Variants in ZMYM1 observed in about 807,000 individuals in gnomAD.
ZMYM1 encodes the protein zinc finger MYM-type containing 1.
ZMYM1 carries 39 observed loss-of-function variants against 60.0 expected under a neutral mutation model. The ratio of observed to expected loss-of-function variants is 0.65; its 90% confidence interval spans 0.50 to 0.85. The LOEUF (loss-of-function observed/expected upper bound fraction) is 0.85, where lower values mean the gene tolerates loss of function less well. ZMYM1 is among the 40% of genes least tolerant of loss of function. ZMYM1 has a pLI of 0.00. For synonymous variants in ZMYM1, 413 were observed against 454.0 expected (o/e 0.91, Z 1.15); for missense variants, 1,171 against 1,309.5 (o/e 0.89, Z 1.63).
In ZMYM1 at chr1:35,113,134, A is replaced by G. The variant is rs1337530305; in HGVS notation, c.1304A>G (p.Asp435Gly). 2 of 1,614,048 alleles carry G rather than the reference A, an allele frequency of 1.2e-6. No homozygotes were observed. Among genetic ancestry groups the G allele is most frequent in the East Asian group, 2.2e-5 (1 of 44,862 alleles). ...AATATGAAATCTATGAAAATAAGTG[A>G]TGAACTATGTCACCCAAAATGTACA... is the stretch of plus-strand genomic sequence containing the variant. ...KDNMKSMKIS[D>G]ELCHPKCTSK... The change falls in exon 10 of 10, where the codon GAT becomes GGT. Residue 435 changes from aspartate to glycine, a missense_variant. Transcript: ENST00000359858.
At position 35,073,334 on chromosome 1, in the gene ZMYM1, A is replaced by AAGGAAGGAAGGAAGG. The variant is rs1557626472; in HGVS notation, c.-300-5659_-300-5658insGGAAGGAAGGAAGGA. On this transcript the variant is annotated intron_variant, in intron 1 of 10. Transcript: ENST00000417119. Reference sequence around the variant, plus strand: ...GGAAGAAAAAAAGAAAGGGAGAAAGAAAGAAAGGAAGGAAGGAAGGAAGGA... The same window carrying AAGGAAGGAAGGAAGG: ...GGAAGAAAAAAAGAAAGGGAGAAAGAAGGAAGGAAGGAAGGAAGAAAGGAAGGAAGGAAGGAAGGA... 9.0e-5 allele frequency among the ~76,000 whole-genome samples: 4 copies of AAGGAAGGAAGGAAGG among 44,200 alleles called. No individual in the cohort carries two copies. The East Asian group carries it at 4.7e-3, about 52-fold the overall frequency. 29.0% of individuals were successfully genotyped at this position (44,200 alleles called of 152,430 possible). A position where few individuals can be genotyped will look rare whatever the true frequency, so the allele number is the denominator to read the frequency against.
rs1363405743 is a variant in ZMYM1 at position 35,113,227 on chromosome 1, G to GT, written c.1400dup (p.Leu467PhefsTer5). ...AAATCTTGTTGTGCAGATTTTGAGT[G>GT]TTTGGAAAACAGTAAAAAAGATGTG... is the stretch of plus-strand genomic sequence containing the variant. On this transcript the variant is annotated frameshift_variant, in exon 10 of 10. Transcript: ENST00000359858. LOFTEE classifies it low-confidence loss of function (END_TRUNC). 1 of 1,613,224 alleles carries GT rather than the reference G, an allele frequency of 6.2e-7. No individual in the cohort carries two copies. Among genetic ancestry groups the GT allele is most frequent in the African/African-American group, 1.3e-5 (1 of 74,940 alleles).
At chr1:35,103,851 A>G (rs1429986382) in intron 4 of ZMYM1, among the ~76,000 whole-genome samples, 2 of 152,236 alleles carry the variant, frequency 1.3e-5, no homozygotes, top group South Asian at 2.1e-4. Flanking sequence ...TATAGATTCT[A>G]GAGTTGCTCA....
chr1:35,087,426 A>G (rs935872083), intron 1 of ZMYM1, among the ~76,000 whole-genome samples: 6 of 70,600 alleles, frequency 8.5e-5, no homozygotes, highest in African/African-American at 3.2e-4. Context: ...TGAAACTTGC[A>G]TTTTCTTTTT....
Position 35,115,217 on chromosome 1 carries a change from T to C in ZMYM1, c.3387T>C (p.Asn1129=). Residue 1129 remains asparagine (N), a synonymous_variant, in exon 10 of 10, where the codon AAT becomes AAC. Transcript: ENST00000359858. ...AACTAATGGAGCCTGAAAGACTCAA[T>C]GAAATTGTGGAAAAGTTTATCAGTC... The part of the protein sequence containing the change: ...VNKLMEPERL[N]EIVEKFISQM... 6.2e-7 allele frequency: 1 copy of C among 1,600,350 alleles called. No individual in the cohort carries two copies. The highest frequency in any genetic ancestry group is 8.5e-7 in the Non-Finnish European group (1 of 1,176,386).
chr1:35,105,927 A>C (rs1355652713), intron 6 of ZMYM1, among the ~76,000 whole-genome samples: 1 of 152,110 alleles, frequency 6.6e-6, no homozygotes, highest in Non-Finnish European at 1.5e-5. Context: ...CCACGTGTTT[A>C]ACTCTTACAC....
intron 6 of ZMYM1, among the ~76,000 whole-genome samples, chr1:35,107,209 C>G (rs1193321024): frequency 6.7e-6 from 1 of 148,456 alleles, no homozygotes; most frequent in Non-Finnish European, 1.5e-5. Context: ...GCCTGTAATC[C>G]CAGCACTTTG....
downstream of ZMYM1, among the ~76,000 whole-genome samples, chr1:35,117,652 GA>G (rs961443450): frequency 1.5e-4 from 23 of 151,846 alleles, no homozygotes; most frequent in Admixed American, 4.6e-4. Flanking sequence ...TTAAAAAAGA[GA>G]AAACAGGCCT....
At chr1:35,082,476 G>A (rs1335106304) in intron 1 of ZMYM1, among the ~76,000 whole-genome samples, 1 of 151,450 alleles carries the variant, frequency 6.6e-6, no homozygotes, top group Non-Finnish European at 1.5e-5. Flanking sequence ...GATTACAGGC[G>A]TGCACCACCA....
At chr1:35,081,263 A>G (rs1007176136) in intron 1 of ZMYM1, among the ~76,000 whole-genome samples, 1 of 152,228 alleles carries the variant, frequency 6.6e-6, no homozygotes, top group African/African-American at 2.4e-5. Flanking sequence ...GAAGTGGTAT[A>G]ATGCGAAGAA....
At chr1:35,107,941 T>G (rs886623828) in intron 6 of ZMYM1, among the ~76,000 whole-genome samples, 1 of 151,926 alleles carries the variant, frequency 6.6e-6, no homozygotes, top group African/African-American at 2.4e-5. Flanking sequence ...AAACTCCATC[T>G]CTACTAAAAA....
intron 1 of ZMYM1, among the ~76,000 whole-genome samples, chr1:35,060,143 G>GTTATTATTATTATTATTACTA (rs1641844525): frequency 1.4e-5 from 2 of 144,100 alleles, no homozygotes; most frequent in Non-Finnish European, 3.0e-5. Context: ...ACTATTTGTT[G>GTTATTATTATTATTATTACTA]TTATTATTAT....
intron 3 of ZMYM1, 145 bp downstream of exon 3, chr1:35,096,036 C>G: frequency 1.6e-6 from 1 of 642,656 alleles, no homozygotes; most frequent in African/African-American, 1.8e-5. Context: ...AAAGAGAGGC[C>G]GTGCACAGTG....
chr1:35,078,818 G>A (rs1642225850), upstream of ZMYM1, among the ~76,000 whole-genome samples: 1 of 151,966 alleles, frequency 6.6e-6, no homozygotes, highest in Non-Finnish European at 1.5e-5. Flanking sequence ...CAAAGTGCTG[G>A]AATTATAGGT....
intron 1 of ZMYM1, among the ~76,000 whole-genome samples, chr1:35,066,439 C>G (rs1641973365): frequency 1.3e-5 from 2 of 152,184 alleles, no homozygotes; most frequent in South Asian, 4.1e-4. Context: ...CTCAGGTGAT[C>G]CACCTGCTTG....
rs554757200 is a variant in ZMYM1, at chr1:35,072,808, G to A, written c.-300-6186G>A. The stretch of plus-strand genomic sequence containing the variant: ...ACTAAAAATACAAAAAAGGCTGGGA[G>A]CAGTGGCTCATGCCTGTAATCCCAG... On this transcript the variant is annotated intron_variant, in intron 1 of 10. Coordinates refer to the ZMYM1 transcript ENST00000417119. Among the ~76,000 whole-genome samples the A allele has an allele frequency of 3.0e-3, 450 of 152,222 alleles. 2 individuals are homozygous for A. Among genetic ancestry groups the A allele is most frequent in the Non-Finnish European group, 5.5e-3 (372 of 68,014 alleles).
downstream of ZMYM1, among the ~76,000 whole-genome samples, chr1:35,116,835 A>AT (rs10671957): frequency 0.058 from 5,134 of 88,720 alleles, 1,507 homozygotes; most frequent in African/African-American, 0.2. Flanking sequence ...TAGGCCTGGA[A>AT]TTTTTTTTTT....
chr1:35,062,617 G>C (rs1641895995), intron 1 of ZMYM1, among the ~76,000 whole-genome samples: 1 of 152,182 alleles, frequency 6.6e-6, no homozygotes, highest in Non-Finnish European at 1.5e-5. Context: ...GTGCCCTTGG[G>C]CAAATCACTT....
At chr1:35,108,505 C>T (rs1406309112) in intron 6 of ZMYM1, among the ~76,000 whole-genome samples, 1 of 151,982 alleles carries the variant, frequency 6.6e-6, no homozygotes, top group Admixed American at 6.6e-5. Context: ...GGGCGCACAC[C>T]ACCACACCCA....
Sources: allele counts gnomAD v4.1 joint callset (sites outside exome capture counted in the v4.1 genomes callset), GRCh38; gene constraint gnomAD v4.1.1; transcripts MANE v1.5; gene names NCBI Gene and HGNC (gene_info 2026-07-23, HGNC 2026-07-21).